SLC68A1: variants seen among roughly 807,000 people sequenced by gnomAD.
SLC68A1 encodes solute carrier family 68 member 1.
At chr10:102,470,937 T>C in the SLC68A1 span, 1 of 1,613,390 alleles carries the variant, frequency 6.2e-7, no homozygotes, top group Non-Finnish European at 8.5e-7. Context: ...GCCGGCTCCC[T>C]CTCTGTCTTT....
At chr10:102,476,051 G>GT in the SLC68A1 span, 6,046 of 601,692 alleles carry the variant, frequency 0.01, 2 homozygotes, top group East Asian at 0.092. Flanking sequence ...AGTTTTTTTT[G>GT]GTTTTTTTTT....
chr10:102,474,726 C>T, the SLC68A1 span, among the ~76,000 whole-genome samples: 1 of 152,160 alleles, frequency 6.6e-6, no homozygotes, highest in Non-Finnish European at 1.5e-5. Flanking sequence ...TGGCTCACTG[C>T]AGCCTCGACC....
chr10:102,466,873 G>A, the SLC68A1 span, among the ~76,000 whole-genome samples: 2 of 152,194 alleles, frequency 1.3e-5, no homozygotes, highest in East Asian at 1.9e-4. Flanking sequence ...TGACAGAGGC[G>A]GACATTGTGC....
chr10:102,473,905 G>A, the SLC68A1 span: 13 of 1,613,980 alleles, frequency 8.1e-6, no homozygotes, highest in East Asian at 4.5e-5. Context: ...CTGAACCACC[G>A]CAAGCAGGCA....
At chr10:102,475,664 C>T in the SLC68A1 span, 3 of 1,526,566 alleles carry the variant, frequency 2.0e-6, no homozygotes, top group Non-Finnish European at 2.6e-6. Flanking sequence ...ACTTGGAGGG[C>T]ACCAAGGCTT....
the SLC68A1 span, chr10:102,472,238 T>C: frequency 3.4e-6 from 1 of 293,808 alleles, no homozygotes; most frequent in South Asian, 2.7e-5. Context: ...TAAACTGTTT[T>C]CATGTTATGA....
the SLC68A1 span, among the ~76,000 whole-genome samples, chr10:102,464,651 G>A: frequency 5.3e-5 from 8 of 151,186 alleles, no homozygotes; most frequent in Non-Finnish European, 1.2e-4. Context: ...TTAGCTGGGC[G>A]TGGTGGTGCA....
the SLC68A1 span, chr10:102,462,205 G>C: frequency 6.6e-6 from 1 of 152,298 alleles, no homozygotes; most frequent in African/African-American, 2.4e-5. Context: ...AAGACCCCGA[G>C]AGTGAAACAG....
chr10:102,463,871 T>C, the SLC68A1 span, among the ~76,000 whole-genome samples: 79,033 of 151,756 alleles, frequency 0.52, 20,865 homozygotes, highest in Middle Eastern at 0.65. Flanking sequence ...GTATCTTAGG[T>C]GACAGGAACA....
At chr10:102,464,460 A>T in the SLC68A1 span, among the ~76,000 whole-genome samples, 1,344 of 151,128 alleles carry the variant, frequency 8.9e-3, 21 homozygotes, top group African/African-American at 0.03. Context: ...CAAAAAAAAA[A>T]AAATCATGAA....
At chr10:102,470,589 T>G in the SLC68A1 span, 5 of 1,551,140 alleles carry the variant, frequency 3.2e-6, no homozygotes, top group South Asian at 2.5e-5. Flanking sequence ...ATCCCTCCCC[T>G]GGGGCCTGGG....
chr10:102,475,982 TGA>T, the SLC68A1 span: 1 of 1,592,342 alleles, frequency 6.3e-7, no homozygotes, highest in African/African-American at 1.4e-5. Context: ...TAAGATGGTG[TGA>T]GAGCTGTGGC....
chr10:102,462,709 C>T, the SLC68A1 span, among the ~76,000 whole-genome samples: 1 of 152,180 alleles, frequency 6.6e-6, no homozygotes, highest in Admixed American at 6.5e-5. Flanking sequence ...ACCTGTTGTC[C>T]TCAGCATAGA....
chr10:102,469,955 G>A, the SLC68A1 span: 1 of 1,607,038 alleles, frequency 6.2e-7, no homozygotes, highest in Non-Finnish European at 8.5e-7. Context: ...AGAGGATGCT[G>A]TCTAGAGCCC....
At chr10:102,472,109 G>A in the SLC68A1 span, 6 of 447,480 alleles carry the variant, frequency 1.3e-5, no homozygotes, top group Non-Finnish European at 2.3e-5. Context: ...GCTGCAATGA[G>A]TTATGATTGC....
At chr10:102,472,999 T>C in the SLC68A1 span, 1 of 1,430,340 alleles carries the variant, frequency 7.0e-7, no homozygotes, top group Non-Finnish European at 9.9e-7. Context: ...GAGAGAGACC[T>C]GTATTTTTAG....
At chr10:102,466,257 G>A in the SLC68A1 span, among the ~76,000 whole-genome samples, 1 of 152,142 alleles carries the variant, frequency 6.6e-6, no homozygotes, top group African/African-American at 2.4e-5. Context: ...GCTGAGGTGG[G>A]TAGATCACCT....
At chr10:102,474,344 C>G in the SLC68A1 span, among the ~76,000 whole-genome samples, 1 of 152,198 alleles carries the variant, frequency 6.6e-6, no homozygotes, top group East Asian at 1.9e-4. Context: ...AATAAACATC[C>G]AAACAAGACA....
the SLC68A1 span, chr10:102,471,507 C>T: frequency 2.0e-6 from 3 of 1,471,848 alleles, no homozygotes; most frequent in Non-Finnish European, 9.2e-7. Flanking sequence ...TGCCTGTAGT[C>T]CCAGCACTTT....
Sources: gnomAD v4.1 joint callset for allele counts (sites outside exome capture counted in the v4.1 genomes callset) on GRCh38, gnomAD v4.1.1 for gene constraint, MANE v1.5 for transcripts, NCBI Gene and HGNC (gene_info 2026-07-23, HGNC 2026-07-21) for gene names.